Variants in TMEM116 observed in about 807,000 individuals in gnomAD.
TMEM116 encodes transmembrane protein 116.
A neutral mutation model predicts 44.3 loss-of-function variants in TMEM116; 38 were observed. The observed-to-expected ratio is 0.86, with a 90% confidence interval of 0.66 to 1.12. TMEM116 has a LOEUF of 1.12. Ranked by LOEUF, TMEM116 falls within the 50% of genes most tolerant of loss-of-function variation. TMEM116 has a pLI of 0.00. For missense variants in TMEM116, 354 were observed against 401.7 expected (o/e 0.88, Z 1.01); for synonymous variants, 132 against 144.8 (o/e 0.91, Z 0.64).
Position 111,991,823 on chromosome 12 carries a change from G to A in TMEM116, c.145C>T (p.Leu49Phe), listed in dbSNP as rs959240252. The A allele has an allele frequency of 7.2e-6, 11 of 1,535,958 alleles. 1 individual carries two copies. In the African/African-American group the frequency reaches 1.4e-4, roughly 19 times the overall value. ...TTTGCTACTGAAGCTCCATAGAGAA[G>A]TGTCTCCGTGAGCCAGCAAAGTCCC... is the stretch of plus-strand genomic sequence containing the variant. ...LLGLCWLTET[L>F]LYGASVANKD... The change falls in exon 4 of 11, where the codon CTT becomes TTT. Residue 49 changes from leucine to phenylalanine, a missense_variant. Leu to Phe is a conservative substitution (Grantham distance 22). Coordinates refer to ENST00000552374, the MANE Select transcript of TMEM116 (RefSeq NM_001193531.2).
chr12:111,962,353 C>T (rs1241391802), intron 4 of TMEM116, among the ~76,000 whole-genome samples: 1 of 152,158 alleles, frequency 6.6e-6, no homozygotes, highest in Non-Finnish European at 1.5e-5. Flanking sequence ...GCCCACATAG[C>T]CAAGACAATC....
At chr12:111,934,646 T>C (rs527314047) in intron 8 of TMEM116, 5 of 152,108 alleles carry the variant, frequency 3.3e-5, no homozygotes, top group African/African-American at 1.2e-4. Context: ...TAATTCCAGC[T>C]ACTCAGGAGG....
intron 9 of TMEM116, among the ~76,000 whole-genome samples, chr12:111,933,468 T>C (rs2071826255): frequency 1.3e-5 from 2 of 150,756 alleles, no homozygotes; most frequent in African/African-American, 4.9e-5. Flanking sequence ...ATAAACTGAA[T>C]AGGAATTTGC....
chr12:111,950,332 A>AGACTCCCC (rs1458559428), intron 4 of TMEM116, among the ~76,000 whole-genome samples: 21 of 152,076 alleles, frequency 1.4e-4, no homozygotes, highest in Non-Finnish European at 2.2e-4. Context: ...CAATGGAATA[A>AGACTCCCC]GACTCCCCAT....
intron 1 of TMEM116, among the ~76,000 whole-genome samples, chr12:112,008,991 AG>A (rs1410450644): frequency 6.6e-6 from 1 of 152,014 alleles, no homozygotes; most frequent in Non-Finnish European, 1.5e-5. Flanking sequence ...AAAAAAAAAA[AG>A]ATTTCTAGTA....
chr12:111,983,122 C>G (rs1212374514), intron 4 of TMEM116, among the ~76,000 whole-genome samples: 3 of 151,082 alleles, frequency 2.0e-5, no homozygotes, highest in African/African-American at 7.3e-5. Flanking sequence ...ATAGCGAGAC[C>G]TTGTCTATCT....
At chr12:111,980,592 T>C (rs2075883288) in intron 4 of TMEM116, among the ~76,000 whole-genome samples, 1 of 152,160 alleles carries the variant, frequency 6.6e-6, no homozygotes, top group Non-Finnish European at 1.5e-5. Context: ...TGTACCAATA[T>C]GGGTTCATTA....
chr12:112,001,374 T>C (rs2077245569), intron 3 of TMEM116, among the ~76,000 whole-genome samples: 1 of 152,124 alleles, frequency 6.6e-6, no homozygotes, highest in Non-Finnish European at 1.5e-5. Flanking sequence ...AGTGCAGTGA[T>C]ATGATCATAG....
chr12:111,942,016 G>A (rs987208921), intron 5 of TMEM116, among the ~76,000 whole-genome samples: 4 of 151,566 alleles, frequency 2.6e-5, no homozygotes, highest in East Asian at 1.9e-4. Context: ...TTGGCTCACC[G>A]CAACCTCTGC....
intron 4 of TMEM116, among the ~76,000 whole-genome samples, chr12:111,957,214 G>A (rs1812157695): frequency 6.6e-6 from 1 of 151,934 alleles, no homozygotes; most frequent in African/African-American, 2.4e-5. Flanking sequence ...CATCATCTGG[G>A]ATGTGGGGAG....
intron 4 of TMEM116, among the ~76,000 whole-genome samples, chr12:111,968,409 C>G (rs2075106711): frequency 6.6e-6 from 1 of 152,132 alleles, no homozygotes; most frequent in Non-Finnish European, 1.5e-5. Flanking sequence ...CAAACTATTT[C>G]CAAGTAATTT....
chr12:111,968,707 A>C (rs1041594955), intron 4 of TMEM116, among the ~76,000 whole-genome samples: 1 of 152,214 alleles, frequency 6.6e-6, no homozygotes, highest in South Asian at 2.1e-4. Flanking sequence ...AAAAACATCT[A>C]TATTAGGCCA....
At chr12:112,009,217 G>T (rs1277487631) in intron 1 of TMEM116, among the ~76,000 whole-genome samples, 3 of 152,152 alleles carry the variant, frequency 2.0e-5, no homozygotes, top group African/African-American at 4.8e-5. Context: ...GATAAAGATT[G>T]TAAGAGAGCA....
At chr12:111,993,768 T>C in intron 3 of TMEM116, 1 of 713,070 alleles carries the variant, frequency 1.4e-6, no homozygotes, top group Non-Finnish European at 2.7e-6. Flanking sequence ...AGGAGCTGGT[T>C]GTAACATTTG....
At chr12:111,993,602 A>C (rs1326919860) in intron 3 of TMEM116, 3 of 545,670 alleles carry the variant, frequency 5.5e-6, no homozygotes, top group Non-Finnish European at 1.1e-5. Context: ...AAGATGTATA[A>C]GGAAGAAGGC....
At chr12:111,996,593 A>AT (rs1319397058) in intron 3 of TMEM116, among the ~76,000 whole-genome samples, 3 of 152,338 alleles carry the variant, frequency 2.0e-5, no homozygotes, top group East Asian at 3.9e-4. Context: ...AACCAGTTGG[A>AT]AAAGAGTTTG....
chr12:112,003,350 T>C (rs2077379740), intron 3 of TMEM116, among the ~76,000 whole-genome samples: 1 of 152,140 alleles, frequency 6.6e-6, no homozygotes, highest in South Asian at 2.1e-4. Flanking sequence ...AGGCGGATCA[T>C]GAGATCAGGA....
chr12:111,943,083 G>A (rs373202900), intron 5 of TMEM116, among the ~76,000 whole-genome samples, 182 bp downstream of exon 5: 12 of 151,984 alleles, frequency 7.9e-5, no homozygotes, highest in East Asian at 5.8e-4. Flanking sequence ...TACAATGCCC[G>A]GCTAATTTTT....
At chr12:111,932,124 A>G (rs753554495) in intron 10 of TMEM116, among the ~76,000 whole-genome samples, 4 of 152,128 alleles carry the variant, frequency 2.6e-5, no homozygotes, top group Non-Finnish European at 4.4e-5. Context: ...AAACTGTCTC[A>G]TCGGAATAGT....
Sources: gnomAD v4.1 joint callset for allele counts (sites outside exome capture counted in the v4.1 genomes callset) on GRCh38, gnomAD v4.1.1 for gene constraint, MANE v1.5 for transcripts, NCBI Gene and HGNC (gene_info 2026-07-23, HGNC 2026-07-21) for gene names.